DIP2B: variants seen among roughly 807,000 people sequenced by gnomAD.
DIP2B encodes the protein DIP2 acetate--CoA ligase B (putative).
In DIP2B, 76 loss-of-function variants were observed where a neutral mutation model predicts 198.0. That is an observed-to-expected ratio of 0.38 (90% CI 0.32 to 0.46). The LOEUF is 0.46. DIP2B is among the 20% of genes least tolerant of loss of function. DIP2B has a pLI of 0.99. For synonymous variants in DIP2B, 701 were observed against 739.1 expected (o/e 0.95, Z 0.84); for missense variants, 1,559 against 1,978.4 (o/e 0.79, Z 4.02).
intron 3 of DIP2B, among the ~76,000 whole-genome samples, chr12:50,644,876 CT>C (rs1013200985): frequency 6.6e-6 from 1 of 152,060 alleles, no homozygotes; most frequent in African/African-American, 2.4e-5. Context: ...TATAAAAATG[CT>C]TTTGGAAATG....
intron 5 of DIP2B, among the ~76,000 whole-genome samples, chr12:50,671,992 T>G (rs1938864289): frequency 1.3e-5 from 2 of 152,178 alleles, no homozygotes; most frequent in Admixed American, 1.3e-4. Flanking sequence ...TGTGTGTGTG[T>G]TTTTTTAAAG....
intron 3 of DIP2B, among the ~76,000 whole-genome samples, chr12:50,643,592 A>G (rs1446822697): frequency 1.3e-5 from 2 of 152,178 alleles, no homozygotes; most frequent in African/African-American, 4.8e-5. Flanking sequence ...GGATGCAAGC[A>G]TAGACTTTGG....
chr12:50,580,538 CTTT>C (rs35098719), intron 1 of DIP2B, among the ~76,000 whole-genome samples: 12 of 127,214 alleles, frequency 9.4e-5, no homozygotes, highest in Non-Finnish European at 1.4e-4. Flanking sequence ...TTTCTTTTTC[CTTT>C]TTTTTTTTTT....
At chr12:50,711,944 G>A (rs1382669543) in intron 22 of DIP2B, among the ~76,000 whole-genome samples, 3 of 152,156 alleles carry the variant, frequency 2.0e-5, no homozygotes, top group Non-Finnish European at 4.4e-5. Flanking sequence ...TGAAGCTGAG[G>A]GTCACTTGAG....
At chr12:50,531,424 AAG>A (rs1454596054) in intron 1 of DIP2B, among the ~76,000 whole-genome samples, 1 of 152,238 alleles carries the variant, frequency 6.6e-6, no homozygotes, top group Non-Finnish European at 1.5e-5. Flanking sequence ...AGCTGAAAAA[AAG>A]AACCTGGAAA....
At chr12:50,530,098 A>G (rs765171679) in intron 1 of DIP2B, among the ~76,000 whole-genome samples, 6 of 151,838 alleles carry the variant, frequency 4.0e-5, no homozygotes, top group Non-Finnish European at 5.9e-5. Flanking sequence ...TTTTTTTGAG[A>G]CAGGGTCTCT....
Position 50,744,680 on chromosome 12 carries a change from C to T in DIP2B, c.4572C>T (p.Asn1524=), listed in dbSNP as rs1391670031. ...TAGATCTGGTCCCATTAGTGACCAA[C>T]GTGGTCCTGGAAGAGCATTACCTCA... is the stretch of plus-strand genomic sequence containing the variant. ...EALDLVPLVT[N]VVLEEHYLIV... The change falls in exon 38 of 38, where the codon AAC becomes AAT. Residue 1524 remains asparagine, a synonymous_variant. Transcript: ENST00000301180. 7.4e-6 allele frequency: 12 copies of T among 1,614,178 alleles called. No individual in the cohort carries two copies. In the South Asian group the frequency reaches 8.8e-5, roughly 12 times the overall value.
chr12:50,596,153 A>G (rs922082523), intron 1 of DIP2B, among the ~76,000 whole-genome samples: 2 of 152,256 alleles, frequency 1.3e-5, no homozygotes, highest in African/African-American at 4.8e-5. Flanking sequence ...TTGAAGTTCC[A>G]TGTTTCCAAA....
chr12:50,697,014 T>C lies in DIP2B; in HGVS notation c.1934-47T>C, dbSNP rs776247759. 2.1e-6 allele frequency: 3 copies of C among 1,426,178 alleles called. No homozygotes were observed. In the East Asian group the frequency reaches 6.9e-5, roughly 33 times the overall value. The allele number at this position is 1,426,178 out of a possible 1,614,324, so 88.3% of individuals were successfully genotyped here. Reference sequence around the variant, plus strand: ...ATTCTTTACCATTTTCCTACAGTAATGAAAAGCATAATTTCAGCTTCAGGT... The same window carrying C: ...ATTCTTTACCATTTTCCTACAGTAACGAAAAGCATAATTTCAGCTTCAGGT... On this transcript the variant is annotated intron_variant, in intron 16 of 37. Transcript: ENST00000301180.
In DIP2B at chr12:50,554,492, C is replaced by T. The variant is rs571237172; in HGVS notation, c.100+49252C>T. 1.6e-4 allele frequency among the ~76,000 whole-genome samples: 24 copies of T among 152,186 alleles called. No homozygotes were observed. In the East Asian group the frequency reaches 4.2e-3, roughly 27 times the overall value. On this transcript the variant is annotated intron_variant, in intron 1 of 37. Coordinates refer to ENST00000301180, the MANE Select transcript of DIP2B (RefSeq NM_173602.3). ...TCTCTATACTCTTAGTTGCATGAATCTGCCTCTATATGATCGCTCATATCA... is the reference window on the plus strand; with the variant it reads ...TCTCTATACTCTTAGTTGCATGAATTTGCCTCTATATGATCGCTCATATCA...
intron 1 of DIP2B, among the ~76,000 whole-genome samples, chr12:50,622,912 A>ATT (rs761345526): frequency 1.1e-4 from 15 of 140,990 alleles, no homozygotes; most frequent in East Asian, 4.1e-4. Context: ...TTGCCCAGCT[A>ATT]TTTTTTTTTT....
At chr12:50,671,808 A>C (rs1275867054) in intron 5 of DIP2B, among the ~76,000 whole-genome samples, 1 of 152,262 alleles carries the variant, frequency 6.6e-6, no homozygotes, top group East Asian at 1.9e-4. Flanking sequence ...CAAAATCTAT[A>C]CTGAGCCAAT....
At chr12:50,593,249 G>A (rs1292600188) in intron 1 of DIP2B, among the ~76,000 whole-genome samples, 1 of 152,150 alleles carries the variant, frequency 6.6e-6, no homozygotes, top group East Asian at 1.9e-4. Flanking sequence ...GCTCACGCCT[G>A]TAATCCCAGC....
chr12:50,723,114 TTTAA>T lies in DIP2B; in HGVS notation c.3167-85_3167-82del, dbSNP rs1382397595. 3 of 1,547,074 alleles carry T rather than the reference TTTAA, an allele frequency of 1.9e-6. No homozygotes were observed. The African/African-American group carries it at 4.1e-5, about 21-fold the overall frequency. ...TCTACAGAACCTGTCTGGCACATGA[TTTAA>T]TTGTTTTGGAAAATTTGCCTTTTAG... On this transcript the variant is annotated intron_variant, in intron 26 of 37. Coordinates refer to ENST00000301180, the MANE Select transcript of DIP2B (RefSeq NM_173602.3).
At chr12:50,546,480 A>T (rs1300355280) in intron 1 of DIP2B, among the ~76,000 whole-genome samples, 1 of 152,228 alleles carries the variant, frequency 6.6e-6, no homozygotes, top group Non-Finnish European at 1.5e-5. Context: ...GGGGTGACAT[A>T]TGTTCCACAT....
At chr12:50,689,327 G>A (rs997894730) in intron 12 of DIP2B, among the ~76,000 whole-genome samples, 1 of 152,128 alleles carries the variant, frequency 6.6e-6, no homozygotes, top group African/African-American at 2.4e-5. Context: ...GCTGCAGTGA[G>A]CCATGATCGT....
intron 1 of DIP2B, among the ~76,000 whole-genome samples, chr12:50,620,532 C>G (rs1400462072): frequency 6.6e-6 from 1 of 152,138 alleles, no homozygotes; most frequent in East Asian, 1.9e-4. Flanking sequence ...TGTCTTCATA[C>G]AAGGCTCTAT....
chr12:50,743,228 A>G (rs898429117), intron 37 of DIP2B, among the ~76,000 whole-genome samples: 2 of 152,070 alleles, frequency 1.3e-5, no homozygotes, highest in African/African-American at 2.4e-5. Flanking sequence ...GACTACAGGC[A>G]CACTCAACCA....
intron 1 of DIP2B, among the ~76,000 whole-genome samples, chr12:50,613,079 C>T (rs1959045263): frequency 1.3e-5 from 2 of 152,328 alleles, no homozygotes; most frequent in South Asian, 4.1e-4. Context: ...TCTTCCAACT[C>T]TTCATTCCTG....
Sources: allele counts gnomAD v4.1 joint callset (sites outside exome capture counted in the v4.1 genomes callset), GRCh38; gene constraint gnomAD v4.1.1; transcripts MANE v1.5; gene names NCBI Gene and HGNC (gene_info 2026-07-23, HGNC 2026-07-21).